SPAG11B: variants seen among roughly 807,000 people sequenced by gnomAD.
SPAG11B encodes sperm associated antigen 11B, also known as sperm-associated antigen 11B.
SPAG11B carries 5 observed loss-of-function variants against 8.9 expected under a neutral mutation model. The observed-to-expected ratio is 0.56, with a 90% CI of 0.29 to 1.19. The LOEUF (loss-of-function observed/expected upper bound fraction) is 1.19, where lower values mean the gene tolerates loss of function less well. Among genes scored for constraint, SPAG11B ranks in the 50% most tolerant of loss-of-function variants. The probability of loss-of-function intolerance (pLI) is 0.08; values close to 1 mark genes in which losing one functional copy is unlikely to be tolerated. For missense variants in SPAG11B, 38 were observed against 146.4 expected, an observed-to-expected ratio of 0.26 and a Z score of 3.82; for synonymous variants, 12 against 53.0, an observed-to-expected ratio of 0.23 and a Z score of 3.36.
chr8:7,451,109 T>C, intron 2 of SPAG11B: 1 of 1,548,350 alleles, frequency 6.5e-7, no homozygotes, highest in Middle Eastern at 1.7e-4. Flanking sequence ...TAGGGTGTGT[T>C]TTATGAATGC....
At chr8:7,451,188 G>A (rs140882628) in intron 2 of SPAG11B, 6 of 1,557,722 alleles carry the variant, frequency 3.9e-6, no homozygotes, top group African/African-American at 2.9e-5. Context: ...GCCTCCCGGT[G>A]AGAGATGTGC....
chr8:7,457,988 G>A (rs1810548237), intron 2 of SPAG11B, among the ~76,000 whole-genome samples: 1 of 152,288 alleles, frequency 6.6e-6, no homozygotes, highest in Non-Finnish European at 1.5e-5. Flanking sequence ...AAAAGTAATT[G>A]CGGTTTTGAC....
chr8:7,448,897 C>T (rs545401726), downstream of SPAG11B, among the ~76,000 whole-genome samples: 29 of 144,570 alleles, frequency 2.0e-4, 2 homozygotes, highest in African/African-American at 7.4e-4. Flanking sequence ...TTTACCATGC[C>T]TTACAGGTGG....
At chr8:7,458,616 T>C (rs1342452492) in intron 2 of SPAG11B, among the ~76,000 whole-genome samples, 1 of 87,542 alleles carries the variant, frequency 1.1e-5, no homozygotes, top group East Asian at 3.4e-4. Flanking sequence ...TTTGCAAATA[T>C]AAGACTATTT....
chr8:7,458,665 C>A (rs1270049637), intron 2 of SPAG11B, among the ~76,000 whole-genome samples: 4 of 118,004 alleles, frequency 3.4e-5, no homozygotes, highest in Admixed American at 8.8e-5. Flanking sequence ...CTTCAAAATC[C>A]AAAAATAGTA....
intron 2 of SPAG11B, among the ~76,000 whole-genome samples, chr8:7,455,752 C>G (rs1478314732): frequency 6.6e-6 from 1 of 152,240 alleles, no homozygotes; most frequent in Non-Finnish European, 1.5e-5. Flanking sequence ...AAGTGTGGCG[C>G]ATCCATACAA....
At chr8:7,449,985 C>T (rs566009561), downstream of SPAG11B, among the ~76,000 whole-genome samples, 16 of 128,618 alleles carry the variant, frequency 1.2e-4, no homozygotes, top group Admixed American at 2.5e-4. Context: ...GCTAAGCATT[C>T]AGGAATCTCC....
At chr8:7,458,771 A>G (rs1360098336) in intron 2 of SPAG11B, among the ~76,000 whole-genome samples, 5 of 111,108 alleles carry the variant, frequency 4.5e-5, no homozygotes, top group African/African-American at 2.1e-4. Flanking sequence ...TTATGGTTGA[A>G]AGATAATGAG....
chr8:7,451,293 T>C (rs1810140715), intron 2 of SPAG11B: 2 of 932,162 alleles, frequency 2.1e-6, no homozygotes. Flanking sequence ...TAACCCATTC[T>C]CAACTTATGG....
chr8:7,448,786 C>T (rs867808371), downstream of SPAG11B, among the ~76,000 whole-genome samples: 11 of 127,094 alleles, frequency 8.7e-5, 1 homozygote, highest in Admixed American at 9.0e-4. Flanking sequence ...CCCCTCTCCT[C>T]CCCTTCCCTT....
intron 2 of SPAG11B, among the ~76,000 whole-genome samples, chr8:7,455,424 G>GAAACA (rs1348653544): frequency 6.5e-3 from 579 of 89,562 alleles, no homozygotes; most frequent in African/African-American, 0.026. Flanking sequence ...GTCTCAAAAT[G>GAAACA]AAACAAAACA....
chr8:7,447,800 A>C, downstream of SPAG11B: 1 of 365,570 alleles, frequency 2.7e-6, no homozygotes, highest in Non-Finnish European at 4.9e-6. Flanking sequence ...ACTGAGGATC[A>C]TACTCCGGTC....
In SPAG11B at chr8:7,459,026, T is replaced by C. The variant is rs182009017; in HGVS notation, c.214+3681A>G. Reference sequence around the variant, plus strand: ...CCAGCCTGATCAACATGGAGAAACCTCGTCTCTACTAAAAATACAAAATTA... The same window carrying C: ...CCAGCCTGATCAACATGGAGAAACCCCGTCTCTACTAAAAATACAAAATTA... On this transcript the variant is annotated intron_variant, in intron 2 of 2. Coordinates refer to ENST00000398462, the MANE Select transcript of SPAG11B (RefSeq NM_058201.4). Among the ~76,000 whole-genome samples the C allele has an allele frequency of 4.8e-3, 429 of 89,534 alleles. 54 individuals are homozygous for C. Among genetic ancestry groups the C allele is most frequent in the East Asian group, 0.029 (83 of 2,872 alleles). The allele number at this position is 89,534 out of a possible 152,430, so 58.7% of individuals were successfully genotyped here.
At chr8:7,459,406 A>G (rs1400764169) in intron 2 of SPAG11B, among the ~76,000 whole-genome samples, 1 of 143,156 alleles carries the variant, frequency 7.0e-6, no homozygotes, top group African/African-American at 2.6e-5. Flanking sequence ...CCACGGATAT[A>G]CCAAAGAAAT....
intron 2 of SPAG11B, among the ~76,000 whole-genome samples, chr8:7,458,697 A>G (rs1810596497): frequency 7.6e-6 from 1 of 131,826 alleles, no homozygotes; most frequent in African/African-American, 3.0e-5. Context: ...AAAAAATAGA[A>G]GGGCTCTACA....
At chr8:7,450,422 G>A, downstream of SPAG11B, 6 of 952,062 alleles carry the variant, frequency 6.3e-6, no homozygotes, top group South Asian at 7.8e-5. Flanking sequence ...TTGCATTTAT[G>A]TCTCTCTGAA....
chr8:7,451,076 C>T (rs1345730754), intron 2 of SPAG11B, 176 bp from the exon 3 acceptor site: 1 of 1,508,374 alleles, frequency 6.6e-7, no homozygotes, highest in Non-Finnish European at 9.0e-7. Flanking sequence ...TAATTTATAT[C>T]TGAAATGTTG....
rs1231638656 is a variant in SPAG11B at position 7,458,968 on chromosome 8, G to A, written c.214+3739C>T. ...AATTCCAGCACTTCGGGAGGCCGAC[G>A]CGGACAGATCACCTGAGGTCGGGAG... On this transcript the variant is annotated intron_variant, in intron 2 of 2. Transcript: ENST00000398462. Among the ~76,000 whole-genome samples, 18 of 90,080 alleles carry A rather than the reference G, an allele frequency of 2.0e-4. 2 individuals are homozygous for A. Among genetic ancestry groups the A allele is most frequent in the Non-Finnish European group, 2.8e-4 (14 of 50,396 alleles). The allele number at this position is 90,080 out of a possible 152,430, so 59.1% of individuals were successfully genotyped here.
intron 2 of SPAG11B, chr8:7,451,160 C>G (rs61749561): frequency 6.4e-7 from 1 of 1,559,754 alleles, no homozygotes; most frequent in African/African-American, 1.5e-5. Context: ...CACACAGATC[C>G]TAAATGAGGG....
Sources: allele counts gnomAD v4.1 joint callset (sites outside exome capture counted in the v4.1 genomes callset), GRCh38; gene constraint gnomAD v4.1.1; transcripts MANE v1.5; gene names NCBI Gene and HGNC (gene_info 2026-07-23, HGNC 2026-07-21).